The following UGT2B10 variants were observed in gnomAD, a reference collection of about 807,000 sequenced individuals.
The protein encoded by UGT2B10 is UDP-glucuronosyltransferase 2B10.
Under a neutral mutation model 43.7 loss-of-function variants are expected in UGT2B10, and 51 were observed. The ratio of observed to expected loss-of-function variants is 1.17; its 90% CI spans 0.93 to 1.47. UGT2B10 has a LOEUF of 1.47. Ranked by LOEUF, UGT2B10 falls within the 40% of genes most tolerant of loss-of-function variation. UGT2B10 has a pLI of 0.00. For missense variants in UGT2B10, 696 were observed against 617.7 expected (o/e 1.13, Z -1.34); for synonymous variants, 225 against 209.0 (o/e 1.08, Z -0.66).
In UGT2B10 at chr4:68,830,735, C is replaced by A. The variant is rs1738049007; in HGVS notation, c.1443C>A (p.Asn481Lys). Reference protein sequence around the residue: ...GAKHLRVAAHNLTWFQYHSLD... With the variant: ...GAKHLRVAAHKLTWFQYHSLD... ...AACATCTTCGAGTTGCAGCCCACAA[C>A]CTCACCTGGTTCCAGTACCACTCTT... Residue 481 changes from asparagine (N) to lysine (K), a missense_variant, in exon 6 of 6, where the codon AAC (asparagine) becomes AAA (lysine). Transcript: ENST00000265403. 3.1e-6 allele frequency: 5 copies of A among 1,613,486 alleles called. No homozygotes were observed. Among genetic ancestry groups the A allele is most frequent in the Non-Finnish European group, 4.2e-6 (5 of 1,179,558 alleles).
At chr4:68,823,840 G>A (rs913304996) in intron 3 of UGT2B10, among the ~76,000 whole-genome samples, 7 of 152,010 alleles carry the variant, frequency 4.6e-5, no homozygotes, top group South Asian at 4.2e-4. Flanking sequence ...TTGATAATAA[G>A]TTTGGCATTA....
At position 68,816,070 on chromosome 4, in the gene UGT2B10, T is replaced by C. The variant is rs1737175582; in HGVS notation, c.51T>C (p.Phe17=). Reference sequence around the variant, plus strand: ...TGCTGATACAACTCAGTTTTTACTTTAGCTCTGGGAGTTGTGGAAAGGTGC... The same window carrying C: ...TGCTGATACAACTCAGTTTTTACTTCAGCTCTGGGAGTTGTGGAAAGGTGC... ...TVLLIQLSFY[F]SSGSCGKVLV... is the part of the protein sequence containing the mutation. The change falls in exon 1 of 6, where the codon TTT becomes TTC. Residue 17 remains phenylalanine, a synonymous_variant. Transcript: ENST00000265403. The C allele has an allele frequency of 1.2e-6, 2 of 1,613,124 alleles. No individual in the cohort carries two copies. Among genetic ancestry groups the C allele is most frequent in the Non-Finnish European group, 1.7e-6 (2 of 1,179,326 alleles).
chr4:68,823,921 C>T (rs1737641295), intron 3 of UGT2B10, among the ~76,000 whole-genome samples: 1 of 152,026 alleles, frequency 6.6e-6, no homozygotes, highest in Non-Finnish European at 1.5e-5. Context: ...TTATAGGGAT[C>T]AGGTAAGAGT....
chr4:68,817,460 G>A (rs779103649), intron 1 of UGT2B10, among the ~76,000 whole-genome samples: 1 of 151,578 alleles, frequency 6.6e-6, no homozygotes, highest in African/African-American at 2.4e-5. Context: ...AAAATTTCTA[G>A]CTATAATTTA....
At position 68,816,712 on chromosome 4, in the gene UGT2B10, G is replaced by A. The variant is rs1350382818; in HGVS notation, c.693G>A (p.Trp231Ter). 1.2e-6 allele frequency: 2 copies of A among 1,608,254 alleles called. No individual in the cohort carries two copies. Among genetic ancestry groups the A allele is most frequent in the Non-Finnish European group, 1.7e-6 (2 of 1,177,156 alleles). ...FWFQIFNMKK[W>*]DQFYSEVLGR... ...TCCAAATATTTAATATGAAGAAGTG[G>A]GATCAGTTTTACAGTGAAGTTTTAG... The change falls in exon 1 of 6, where the codon TGG becomes TGA. Residue 231 changes from tryptophan (W) to a stop codon, truncating the protein, a stop_gained. Transcript: ENST00000265403. LOFTEE classifies it high-confidence loss of function.
At chr4:68,821,572 A>G (rs1737498338) in intron 2 of UGT2B10, among the ~76,000 whole-genome samples, 1 of 152,320 alleles carries the variant, frequency 6.6e-6, no homozygotes, top group Non-Finnish European at 1.5e-5. Context: ...ATTCTGTATT[A>G]TAAATGAGAC....
rs114543962 is a variant in UGT2B10, at chr4:68,828,464, G to C, written c.1307+916G>C. ...ATCACAAAGACAATAGAAGGATAAA[G>C]AATGATCAAAACACCTTTAAAGAAG... On this transcript the variant is annotated intron_variant, in intron 5 of 5. Coordinates refer to ENST00000265403, the MANE Select transcript of UGT2B10 (RefSeq NM_001075.6). Among the ~76,000 whole-genome samples, 4 of 151,816 alleles carry C rather than the reference G, an allele frequency of 2.6e-5. No individual in the cohort carries two copies. The South Asian group carries it at 8.3e-4, about 32-fold the overall frequency.
chr4:68,816,755 T>C lies in UGT2B10; in HGVS notation c.718+18T>C, dbSNP rs761291644. 9.7e-6 allele frequency: 15 copies of C among 1,553,112 alleles called. No homozygotes were observed. In the South Asian group the frequency reaches 1.6e-4, roughly 16 times the overall value. Reference sequence around the variant, plus strand: ...AGTTTTAGGTAAGATTTTTTTCAATTAGTAACATGAAGCTCTAACTTATTT... The same window carrying C: ...AGTTTTAGGTAAGATTTTTTTCAATCAGTAACATGAAGCTCTAACTTATTT... On this transcript the variant is annotated intron_variant, in intron 1 of 5. Coordinates refer to ENST00000265403, the MANE Select transcript of UGT2B10 (RefSeq NM_001075.6).
chr4:68,824,890 C>T (rs1737693009), intron 3 of UGT2B10, among the ~76,000 whole-genome samples: 1 of 152,038 alleles, frequency 6.6e-6, no homozygotes, highest in South Asian at 2.1e-4. Context: ...TTCCTTATTT[C>T]TATGCCAAAA....
chr4:68,831,330 C>G lies in UGT2B10; in HGVS notation c.*451C>G, dbSNP rs1303523187. ...CTGATTTCAAACTCCTGGGCTCAAACAATCCTCCCATTTTAGCATCCCAAA... is the reference window on the plus strand; with the variant it reads ...CTGATTTCAAACTCCTGGGCTCAAAGAATCCTCCCATTTTAGCATCCCAAA... On this transcript the variant is annotated 3_prime_UTR_variant, in exon 6 of 6. Transcript: ENST00000265403. The G allele has an allele frequency of 6.4e-6, 1 of 156,964 alleles. No individual in the cohort carries two copies. Among genetic ancestry groups the G allele is most frequent in the Non-Finnish European group, 1.4e-5 (1 of 71,320 alleles). The allele number at this position is 156,964 out of a possible 1,614,324, so 9.7% of individuals were successfully genotyped here.
At position 68,816,415 on chromosome 4, in the gene UGT2B10, T is replaced by G. The variant is rs368660740; in HGVS notation, c.396T>G (p.Asn132Lys). The G allele has an allele frequency of 3.3e-5, 53 of 1,612,728 alleles. No individual in the cohort carries two copies. The highest frequency in any genetic ancestry group is 3.3e-4 in the Middle Eastern group (2 of 6,076). ...IRNFCKDVVS[N>K]KKLMKKLQES... The stretch of plus-strand genomic sequence containing the variant: ...ACTTCTGTAAAGATGTAGTTTCAAA[T>G]AAGAAACTTATGAAAAAACTACAAG... Residue 132 changes from asparagine (N) to lysine (K), a missense_variant, in exon 1 of 6, where the codon AAT (asparagine) becomes AAG (lysine). By Grantham distance (94) the Asn-to-Lys change is moderately conservative (BLOSUM62 0). Transcript: ENST00000265403.
Position 68,827,214 on chromosome 4 carries a change from T to C in UGT2B10, c.1088-115T>C, listed in dbSNP as rs1228313444. ...GTTTTTTCCTCTGAAATCTGAAAAGTAATAGCAAATTAGTTCAGTGTGTTA... is the reference window on the plus strand; with the variant it reads ...GTTTTTTCCTCTGAAATCTGAAAAGCAATAGCAAATTAGTTCAGTGTGTTA... On this transcript the variant is annotated intron_variant, in intron 4 of 5. Transcript: ENST00000265403. The C allele has an allele frequency of 1.0e-5, 16 of 1,533,486 alleles. No homozygotes were observed. In the African/African-American group the frequency reaches 1.5e-4, roughly 15 times the overall value. 95.0% of individuals were successfully genotyped at this position (1,533,486 alleles called of 1,614,324 possible). A position where few individuals can be genotyped will look rare whatever the true frequency, so the allele number is the denominator to read the frequency against.
chr4:68,822,688 C>T (rs1264030008), intron 3 of UGT2B10, among the ~76,000 whole-genome samples: 1 of 151,902 alleles, frequency 6.6e-6, no homozygotes, highest in African/African-American at 2.4e-5. Flanking sequence ...AACTTGAGAC[C>T]CACAATTACT....
intron 3 of UGT2B10, among the ~76,000 whole-genome samples, chr4:68,823,747 T>C (rs961236532): frequency 6.6e-6 from 1 of 152,114 alleles, no homozygotes; most frequent in African/African-American, 2.4e-5. Flanking sequence ...ATTAGAGCTT[T>C]TGGGAAAGCA....
intron 2 of UGT2B10, among the ~76,000 whole-genome samples, chr4:68,821,323 T>C (rs1737482651): frequency 6.6e-6 from 1 of 152,100 alleles, no homozygotes; most frequent in South Asian, 2.1e-4. Context: ...AGGAGTGTAA[T>C]GTGGTGTGCG....
chr4:68,818,597 T>TTA (rs1737340661), intron 2 of UGT2B10, among the ~76,000 whole-genome samples: 1 of 130,920 alleles, frequency 7.6e-6, no homozygotes, highest in Non-Finnish European at 1.7e-5. Context: ...GTAATGAATA[T>TTA]TATATAAAAA....
chr4:68,821,984 C>T lies in UGT2B10; in HGVS notation c.868-287C>T, dbSNP rs1275705939. Among the ~76,000 whole-genome samples, 3 of 152,040 alleles carry T rather than the reference C, an allele frequency of 2.0e-5. No homozygotes were observed. The East Asian group carries it at 5.8e-4, about 29-fold the overall frequency. On this transcript the variant is annotated intron_variant, in intron 2 of 5. Transcript: ENST00000265403. ...GTCTGGGTATATGTTTTAACATTAT[C>T]TCCCTGACTACAATGTAATAGCTCC...
rs1431181060 is a variant in UGT2B10 at position 68,818,173 on chromosome 4, C to G, written c.863C>G (p.Pro288Arg). 6.2e-7 allele frequency: 1 copy of G among 1,608,964 alleles called. No homozygotes were observed. Among genetic ancestry groups the G allele is most frequent in the Non-Finnish European group, 8.5e-7 (1 of 1,177,636 alleles). The stretch of plus-strand genomic sequence containing the variant: ...CACTGCAAACCTGCCAAACCCCTAC[C>G]TAAGGTAAACATACTTTCGTTGGTT... ...GLHCKPAKPL[P>R]KEMEEFVQSS... is the part of the protein sequence containing the mutation. Residue 288 changes from proline to arginine, a missense_variant, in exon 2 of 6, where the codon CCT (proline) becomes CGT (arginine). Coordinates refer to ENST00000265403, the MANE Select transcript of UGT2B10 (RefSeq NM_001075.6).
chr4:68,830,371 C>G (rs1290583037), intron 5 of UGT2B10, among the ~76,000 whole-genome samples: 1 of 151,086 alleles, frequency 6.6e-6, no homozygotes, highest in African/African-American at 2.4e-5. Flanking sequence ...AAAAAAATAA[C>G]TTTCTCACCT....
Sources: allele counts gnomAD v4.1 joint callset (sites outside exome capture counted in the v4.1 genomes callset), GRCh38; gene constraint gnomAD v4.1.1; transcripts MANE v1.5; gene names NCBI Gene and HGNC (gene_info 2026-07-23, HGNC 2026-07-21).